MAP6: variants seen among roughly 807,000 people sequenced by gnomAD.
The protein encoded by MAP6 is microtubule associated protein 6.
MAP6 carries 26 observed loss-of-function variants against 42.4 expected under a neutral mutation model. That is an observed-to-expected ratio of 0.61 (90% CI 0.45 to 0.85). The LOEUF (loss-of-function observed/expected upper bound fraction) is 0.85, where lower values mean the gene tolerates loss of function less well. MAP6 is among the 40% of genes least tolerant of loss of function. MAP6 has a pLI of 0.00. For synonymous variants in MAP6, 418 were observed against 443.8 expected (o/e 0.94, Z 0.73); for missense variants, 966 against 1,099.0 (o/e 0.88, Z 1.71).
rs191915126 is a variant in MAP6 at position 75,607,263 on chromosome 11, C to T, written c.1119+846G>A. The T allele has an allele frequency of 2.4e-3, 2,322 of 985,426 alleles. 3 individuals carry two copies. The highest frequency in any genetic ancestry group is 2.7e-3 in the Non-Finnish European group (2,207 of 829,930). 61.0% of individuals were successfully genotyped at this position (985,426 alleles called of 1,614,324 possible). A position where few individuals can be genotyped will look rare whatever the true frequency, so the allele number is the denominator to read the frequency against. On this transcript the variant is annotated intron_variant, in intron 2 of 3. Transcript: ENST00000304771. Reference sequence around the variant, plus strand: ...TAGGAAACTCCACTGAAGTGCAAGACTTTAGGACAAAAGCAGAGAAAAGGA... The same window carrying T: ...TAGGAAACTCCACTGAAGTGCAAGATTTTAGGACAAAAGCAGAGAAAAGGA...
chr11:75,652,690 T>C (rs536113866), intron 1 of MAP6, among the ~76,000 whole-genome samples: 16 of 151,632 alleles, frequency 1.1e-4, no homozygotes, highest in Non-Finnish European at 7.4e-5. Flanking sequence ...ATACAAAAAA[T>C]TAGCCAGGCA....
intron 1 of MAP6, among the ~76,000 whole-genome samples, chr11:75,640,655 C>A (rs889491817): frequency 6.6e-6 from 1 of 152,186 alleles, no homozygotes; most frequent in Non-Finnish European, 1.5e-5. Flanking sequence ...CAAACAACCA[C>A]ATCAAAAAGT....
chr11:75,636,179 A>C (rs979388240), intron 1 of MAP6: 2 of 152,218 alleles, frequency 1.3e-5, no homozygotes, highest in African/African-American at 4.8e-5. Context: ...ATATTTACTG[A>C]ATCTGCCCAA....
At chr11:75,637,980 G>A (rs945687025) in intron 1 of MAP6, among the ~76,000 whole-genome samples, 8 of 152,186 alleles carry the variant, frequency 5.3e-5, no homozygotes, top group African/African-American at 1.7e-4. Flanking sequence ...ATTAACAGGG[G>A]TGAAAAACTG....
At chr11:75,616,160 CTT>C (rs1942991232) in intron 1 of MAP6, among the ~76,000 whole-genome samples, 1 of 152,140 alleles carries the variant, frequency 6.6e-6, no homozygotes, top group Admixed American at 6.5e-5. Flanking sequence ...AGAGCAGAGA[CTT>C]AGGATAATGG....
At chr11:75,591,220 T>C (rs1942471727) in intron 3 of MAP6, among the ~76,000 whole-genome samples, 1 of 152,026 alleles carries the variant, frequency 6.6e-6, no homozygotes, top group Admixed American at 6.5e-5. Flanking sequence ...TTAATCTTAA[T>C]TTATTTAAAA....
At chr11:75,619,087 G>C (rs1943058296) in intron 1 of MAP6, among the ~76,000 whole-genome samples, 1 of 152,186 alleles carries the variant, frequency 6.6e-6, no homozygotes, top group East Asian at 1.9e-4. Context: ...AAGCAGGAAA[G>C]TGTGTGTGAG....
chr11:75,594,766 G>C (rs1421532215), intron 3 of MAP6: 1 of 152,034 alleles, frequency 6.6e-6, no homozygotes, highest in Non-Finnish European at 1.5e-5. Flanking sequence ...CCTGCTCTGT[G>C]TCAGGCCCTC....
chr11:75,604,086 A>G (rs1942714700), intron 3 of MAP6: 1 of 985,748 alleles, frequency 1.0e-6, no homozygotes, highest in Non-Finnish European at 1.2e-6. Context: ...ACCCACCAGC[A>G]TTTTCTACCT....
At chr11:75,620,639 A>C (rs564794162) in intron 1 of MAP6, among the ~76,000 whole-genome samples, 27 of 152,346 alleles carry the variant, frequency 1.8e-4, no homozygotes, top group African/African-American at 6.3e-4. Context: ...ATTCCTCATG[A>C]ATACAGATGT....
At chr11:75,613,698 T>C (rs1386876152) in intron 1 of MAP6, among the ~76,000 whole-genome samples, 2 of 152,214 alleles carry the variant, frequency 1.3e-5, no homozygotes, top group African/African-American at 4.8e-5. Flanking sequence ...TCTGGGGCTA[T>C]GATATCCCCC....
intron 1 of MAP6, among the ~76,000 whole-genome samples, chr11:75,608,606 G>A (rs1471955146): frequency 2.0e-5 from 3 of 152,134 alleles, no homozygotes; most frequent in African/African-American, 7.2e-5. Flanking sequence ...CTAATCTTCA[G>A]GGCTCTTTTT....
chr11:75,597,781 G>A (rs1942606992), intron 3 of MAP6, among the ~76,000 whole-genome samples: 1 of 152,230 alleles, frequency 6.6e-6, no homozygotes, highest in African/African-American at 2.4e-5. Flanking sequence ...TTAGAGAGCA[G>A]GGGCCAGATG....
intron 1 of MAP6, among the ~76,000 whole-genome samples, chr11:75,619,948 A>G (rs1303042391): frequency 6.6e-6 from 1 of 152,198 alleles, no homozygotes; most frequent in African/African-American, 2.4e-5. Flanking sequence ...GTGTATGGGC[A>G]TTCCTTTTTC....
Position 75,607,039 on chromosome 11 carries a change from C to T in MAP6, c.1120-1035G>A, listed in dbSNP as rs540405475. On this transcript the variant is annotated intron_variant, in intron 2 of 3. Transcript: ENST00000304771. The stretch of plus-strand genomic sequence containing the variant: ...TGGATGGACAGAGCTGATGCTGGGC[C>T]TTGCAGGCTGGATCATTCACTCACT... 1.4e-4 allele frequency among the ~76,000 whole-genome samples: 22 copies of T among 152,378 alleles called. No individual in the cohort carries two copies. In the East Asian group the frequency reaches 2.9e-3, roughly 20 times the overall value.
intron 1 of MAP6, among the ~76,000 whole-genome samples, chr11:75,618,152 A>G (rs1218122362): frequency 1.3e-5 from 2 of 151,014 alleles, no homozygotes; most frequent in African/African-American, 4.9e-5. Flanking sequence ...TGTGTTTTAA[A>G]CAAAGCTGGC....
chr11:75,619,191 T>C (rs957013346), intron 1 of MAP6, among the ~76,000 whole-genome samples: 7 of 152,160 alleles, frequency 4.6e-5, no homozygotes, highest in African/African-American at 1.7e-4. Flanking sequence ...CACCATACCC[T>C]GTGTATGTAT....
intron 1 of MAP6, among the ~76,000 whole-genome samples, chr11:75,620,483 G>GAAAAAAAAAAAAAAA (rs61563507): frequency 1.4e-5 from 1 of 69,740 alleles, no homozygotes. Flanking sequence ...TCAAAAGAGA[G>GAAAAAAAAAAAAAAA]AAAAAAAAAA....
chr11:75,657,575 A>G (rs1290982143), intron 1 of MAP6, among the ~76,000 whole-genome samples: 1 of 152,206 alleles, frequency 6.6e-6, no homozygotes, highest in Non-Finnish European at 1.5e-5. Flanking sequence ...CCTGTGTATC[A>G]ATCTCCTATA....
Sources: gnomAD v4.1 joint callset for allele counts (sites outside exome capture counted in the v4.1 genomes callset) on GRCh38, gnomAD v4.1.1 for gene constraint, MANE v1.5 for transcripts, NCBI Gene and HGNC (gene_info 2026-07-23, HGNC 2026-07-21) for gene names.